Variants in KLHL20 observed in about 807,000 individuals in gnomAD.
KLHL20 encodes kelch like family member 20.
Under a neutral mutation model 69.5 loss-of-function variants are expected in KLHL20, and 29 were observed. That is an observed-to-expected ratio of 0.42 (90% CI 0.31 to 0.57). KLHL20 has a LOEUF of 0.57. Among genes scored for constraint, KLHL20 ranks in the 20% least tolerant of loss-of-function variants. The pLI is 0.18. For synonymous variants in KLHL20, 253 were observed against 265.2 expected (o/e 0.95, Z 0.45); for missense variants, 419 against 776.0 (o/e 0.54, Z 5.47).
intron 7 of KLHL20, 71 bp downstream of exon 7, chr1:173,757,230 CAA>C (rs1673589740): frequency 1.4e-6 from 2 of 1,400,480 alleles, no homozygotes; most frequent in African/African-American, 1.4e-5. Flanking sequence ...AATTAGGAAA[CAA>C]ATTGATTTAA....
At chr1:173,770,140 C>T (rs1255256939) in intron 8 of KLHL20, among the ~76,000 whole-genome samples, 2 of 151,934 alleles carry the variant, frequency 1.3e-5, no homozygotes, top group Non-Finnish European at 2.9e-5. Context: ...TCTCTACAGA[C>T]AATAAAAGCA....
intron 2 of KLHL20, among the ~76,000 whole-genome samples, chr1:173,718,168 T>A (rs1455374150): frequency 6.6e-6 from 1 of 151,878 alleles, no homozygotes; most frequent in Non-Finnish European, 1.5e-5. Context: ...GCTCAAGCAG[T>A]CCCCCTGCCT....
At chr1:173,727,811 T>G (rs1017647943) in intron 2 of KLHL20, among the ~76,000 whole-genome samples, 10 of 151,802 alleles carry the variant, frequency 6.6e-5, no homozygotes, top group African/African-American at 2.2e-4. Context: ...AAATTGTAAA[T>G]ACCATCAAGG....
intron 10 of KLHL20, among the ~76,000 whole-genome samples, chr1:173,777,498 A>G (rs1648547349): frequency 6.6e-6 from 1 of 152,168 alleles, no homozygotes; most frequent in African/African-American, 2.4e-5. Flanking sequence ...TAGATCTTAG[A>G]GGAAAGGCTT....
At chr1:173,744,613 T>C (rs1174181875) in intron 3 of KLHL20, among the ~76,000 whole-genome samples, 1 of 152,184 alleles carries the variant, frequency 6.6e-6, no homozygotes, top group Non-Finnish European at 1.5e-5. Context: ...ATGTAAATGG[T>C]CTTAGTTTAT....
At position 173,727,098 on chromosome 1, in the gene KLHL20, A is replaced by G. The variant is rs192790639; in HGVS notation, c.24-6615A>G. 3.2e-3 allele frequency among the ~76,000 whole-genome samples: 492 copies of G among 152,302 alleles called. 1 individual carries two copies. Among genetic ancestry groups the G allele is most frequent in the African/African-American group, 0.011 (454 of 41,562 alleles). ...CCACCGCACGAGAACTACGTGACAA[A>G]TGCAGAAGCCTCAGTAGCTGATTCA... On this transcript the variant is annotated intron_variant, in intron 2 of 11. Coordinates refer to ENST00000209884, the MANE Select transcript of KLHL20 (RefSeq NM_014458.4).
At chr1:173,722,282 A>C (rs1357448694) in intron 2 of KLHL20, among the ~76,000 whole-genome samples, 1 of 151,974 alleles carries the variant, frequency 6.6e-6, no homozygotes, top group African/African-American at 2.4e-5. Flanking sequence ...TTGAGGAAAA[A>C]AGGCAAAAGA....
intron 3 of KLHL20, among the ~76,000 whole-genome samples, chr1:173,739,812 T>G (rs570611326): frequency 2.0e-5 from 3 of 151,424 alleles, no homozygotes; most frequent in African/African-American, 7.3e-5. Flanking sequence ...GCTAATTTTT[T>G]GTATTTTTAG....
intron 5 of KLHL20, among the ~76,000 whole-genome samples, chr1:173,754,864 C>T (rs1200970286): frequency 6.6e-6 from 1 of 152,084 alleles, no homozygotes; most frequent in Non-Finnish European, 1.5e-5. Flanking sequence ...ATAATAGTGC[C>T]TATTCCATAA....
chr1:173,753,901 G>A (rs1673420248), intron 5 of KLHL20, among the ~76,000 whole-genome samples: 1 of 152,210 alleles, frequency 6.6e-6, no homozygotes, highest in Non-Finnish European at 1.5e-5. Context: ...TATACAAAAT[G>A]TAATAAATTA....
rs774494569 is a variant in KLHL20 at position 173,753,208 on chromosome 1, C to T, written c.757-5C>T. 1.9e-6 allele frequency: 3 copies of T among 1,611,160 alleles called. No homozygotes were observed. Among genetic ancestry groups the T allele is most frequent in the Admixed American group, 1.7e-5 (1 of 59,974 alleles). On this transcript the variant is annotated splice_polypyrimidine_tract_variant and splice_region_variant and intron_variant, in intron 4 of 11. Coordinates refer to ENST00000209884, the MANE Select transcript of KLHL20 (RefSeq NM_014458.4). ...ATTAAAATAATGGTGTTTATTTTCT[C>T]ATAGGTGCTGCAGCATGTTCGTTTG...
chr1:173,761,925 G>GA (rs150609224), intron 7 of KLHL20, among the ~76,000 whole-genome samples: 3,850 of 152,018 alleles, frequency 0.025, 174 homozygotes, highest in African/African-American at 0.089. Context: ...AAAGATAAAT[G>GA]AAACAAAAAG....
At chr1:173,782,424 T>A (rs1346589631) in intron 11 of KLHL20, among the ~76,000 whole-genome samples, 194 bp downstream of exon 11, 1 of 152,098 alleles carries the variant, frequency 6.6e-6, no homozygotes, top group African/African-American at 2.4e-5. Flanking sequence ...ATTCTCCTTT[T>A]CAGTAACTGT....
chr1:173,761,797 C>A (rs1239340600), intron 7 of KLHL20, among the ~76,000 whole-genome samples: 1 of 151,930 alleles, frequency 6.6e-6, no homozygotes, highest in Non-Finnish European at 1.5e-5. Context: ...TGAAAGAGCA[C>A]AAACAGGTCA....
intron 7 of KLHL20, among the ~76,000 whole-genome samples, chr1:173,763,865 A>AT (rs1553286850): frequency 0.041 from 5,581 of 137,176 alleles, 366 homozygotes; most frequent in African/African-American, 0.16. Context: ...AGCAAATGCA[A>AT]TAAAAAAAAA....
intron 2 of KLHL20, among the ~76,000 whole-genome samples, chr1:173,727,492 G>A (rs1448903002): frequency 6.6e-6 from 1 of 152,152 alleles, no homozygotes; most frequent in East Asian, 1.9e-4. Context: ...GTTAAGGGCA[G>A]CCAGAGAGAA....
At chr1:173,776,793 T>C (rs972140198) in intron 10 of KLHL20, among the ~76,000 whole-genome samples, 5 of 152,150 alleles carry the variant, frequency 3.3e-5, no homozygotes, top group African/African-American at 9.6e-5. Context: ...CTGTTTTTAT[T>C]CTAGTCTCAT....
At chr1:173,726,258 C>A (rs940374172) in intron 2 of KLHL20, among the ~76,000 whole-genome samples, 3 of 151,894 alleles carry the variant, frequency 2.0e-5, no homozygotes, top group African/African-American at 7.3e-5. Context: ...GAAGCTCGAA[C>A]GTGGTGGAGC....
At chr1:173,746,943 A>G (rs1340989591) in intron 3 of KLHL20, among the ~76,000 whole-genome samples, 2 of 151,750 alleles carry the variant, frequency 1.3e-5, no homozygotes, top group Non-Finnish European at 2.9e-5. Context: ...TTTTATAGAA[A>G]TTCTGTTTAT....
Sources: allele counts gnomAD v4.1 joint callset (sites outside exome capture counted in the v4.1 genomes callset), GRCh38; gene constraint gnomAD v4.1.1; transcripts MANE v1.5; gene names NCBI Gene and HGNC (gene_info 2026-07-23, HGNC 2026-07-21).